SUMF1: variants seen among roughly 807,000 people sequenced by gnomAD.
SUMF1 encodes the protein formylglycine-generating enzyme.
In SUMF1, 48 loss-of-function variants were observed where a neutral mutation model predicts 47.6. The ratio of observed to expected loss-of-function variants is 1.01; its 90% CI spans 0.80 to 1.28. The LOEUF (loss-of-function observed/expected upper bound fraction) is 1.28, where lower values mean the gene tolerates loss of function less well. Among genes scored for constraint, SUMF1 ranks in the 50% most tolerant of loss-of-function variants. The pLI is 0.00. For synonymous variants in SUMF1, 230 were observed against 192.1 expected, an observed-to-expected ratio of 1.20 and a Z score of -1.63; for missense variants, 571 against 485.4, an observed-to-expected ratio of 1.18 and a Z score of -1.66.
downstream of SUMF1, among the ~76,000 whole-genome samples, chr3:4,359,190 T>A (rs149565472): frequency 5.3e-5 from 8 of 152,348 alleles, no homozygotes; most frequent in Middle Eastern, 3.4e-3. Context: ...TAAAGTGTAG[T>A]GACTATAGCT....
chr3:4,329,302 C>G (rs964989150), intron 8 of SUMF1, among the ~76,000 whole-genome samples: 1 of 152,226 alleles, frequency 6.6e-6, no homozygotes, highest in African/African-American at 2.4e-5. Flanking sequence ...TCCACACTGC[C>G]TTATCAGAGG....
intron 3 of SUMF1, among the ~76,000 whole-genome samples, chr3:4,431,841 C>T (rs1702243142): frequency 6.6e-6 from 1 of 152,148 alleles, no homozygotes. Flanking sequence ...TAATTAAGAG[C>T]ATCCCATTTC....
At chr3:4,322,968 A>T (rs1174231755) in intron 8 of SUMF1, among the ~76,000 whole-genome samples, 1 of 152,198 alleles carries the variant, frequency 6.6e-6, no homozygotes, top group Non-Finnish European at 1.5e-5. Flanking sequence ...AACAACAAAA[A>T]AGTGGACACA....
rs565043670 is a variant in SUMF1, at chr3:4,128,456, A to G, written c.1015-59711T>C. Among the ~76,000 whole-genome samples, 4 of 152,266 alleles carry G rather than the reference A, an allele frequency of 2.6e-5. No homozygotes were observed. In the South Asian group the frequency reaches 8.3e-4, roughly 32 times the overall value. The stretch of plus-strand genomic sequence containing the variant: ...CATCCCCTAACCAATCCATGCTGCC[A>G]TCAGCCTTTCCACCTTTGTCTGAGG... On this transcript the variant is annotated intron_variant and NMD_transcript_variant, in intron 8 of 12. Coordinates refer to the SUMF1 transcript ENST00000448413.
chr3:4,368,024 G>T (rs867398891), intron 8 of SUMF1, among the ~76,000 whole-genome samples: 8 of 152,066 alleles, frequency 5.3e-5, no homozygotes, highest in Middle Eastern at 6.8e-3. Context: ...CACAGCAAAA[G>T]AAACTACCAT....
intron 8 of SUMF1, among the ~76,000 whole-genome samples, chr3:4,226,856 A>T (rs6772671): frequency 0.41 from 56,544 of 139,042 alleles, 11,242 homozygotes; most frequent in Non-Finnish European, 0.47. Flanking sequence ...TGCTATGACT[A>T]TGTAAGCATG....
rs138623672 is a variant in SUMF1, at chr3:4,098,194, T to A, written c.1015-29449A>T. Among the ~76,000 whole-genome samples, 472 of 152,204 alleles carry A rather than the reference T, an allele frequency of 3.1e-3. 7 individuals are homozygous for A. The highest frequency in any genetic ancestry group is 0.011 in the African/African-American group (461 of 41,508). On this transcript the variant is annotated intron_variant and NMD_transcript_variant, in intron 8 of 12. Coordinates refer to the SUMF1 transcript ENST00000448413. ...AATAACTCAGTGGTAGAGCATCACA[T>A]GGAAATTGAAGCTCCCCTAGCAGCA...
chr3:4,213,562 A>G (rs1304539606), intron 8 of SUMF1, among the ~76,000 whole-genome samples: 1 of 152,188 alleles, frequency 6.6e-6, no homozygotes, highest in African/African-American at 2.4e-5. Flanking sequence ...ACATATAACA[A>G]TATTAACCAT....
chr3:4,365,611 T>C (rs1451974473), intron 8 of SUMF1, among the ~76,000 whole-genome samples: 7 of 146,398 alleles, frequency 4.8e-5, no homozygotes, highest in Non-Finnish European at 1.1e-4. Context: ...TATGTGTGTC[T>C]CTGCACGTGA....
chr3:4,211,195 C>CATATATATAT (rs1244951771), intron 8 of SUMF1, among the ~76,000 whole-genome samples: 7 of 57,542 alleles, frequency 1.2e-4, no homozygotes, highest in Non-Finnish European at 2.1e-4. Context: ...TATACATATA[C>CATATATATAT]ATACATACAT....
At chr3:4,439,803 C>A (rs1352422039) in intron 3 of SUMF1, among the ~76,000 whole-genome samples, 1 of 151,778 alleles carries the variant, frequency 6.6e-6, no homozygotes, top group Non-Finnish European at 1.5e-5. Flanking sequence ...CTCAAGCAAT[C>A]CTCCGACGTC....
At chr3:4,442,454 T>G (rs1460487299) in intron 3 of SUMF1, among the ~76,000 whole-genome samples, 1 of 148,972 alleles carries the variant, frequency 6.7e-6, no homozygotes, top group African/African-American at 2.5e-5. Flanking sequence ...AGAGACGGGG[T>G]TTCACCGTTT....
intron 8 of SUMF1, chr3:4,317,492 G>C (rs1698711754): frequency 2.7e-6 from 1 of 368,148 alleles, no homozygotes; most frequent in African/African-American, 2.0e-5. Context: ...GGACCAGCCT[G>C]GGCAACATAG....
intron 7 of SUMF1, among the ~76,000 whole-genome samples, chr3:4,389,476 C>T (rs1364670622): frequency 1.3e-5 from 2 of 152,104 alleles, no homozygotes; most frequent in African/African-American, 4.8e-5. Flanking sequence ...TTGCTTAGCT[C>T]CTTGAATCTG....
intron 8 of SUMF1, among the ~76,000 whole-genome samples, chr3:4,133,364 A>G (rs1308414021): frequency 1.3e-5 from 2 of 152,104 alleles, no homozygotes; most frequent in Non-Finnish European, 2.9e-5. Flanking sequence ...TTTGAAAATT[A>G]TGTATGATCT....
In SUMF1 at chr3:4,174,312, C is replaced by T. The variant is rs562121623; in HGVS notation, c.1015-105567G>A. 3.4e-5 allele frequency among the ~76,000 whole-genome samples: 5 copies of T among 147,548 alleles called. No individual in the cohort carries two copies. In the East Asian group the frequency reaches 8.0e-4, roughly 24 times the overall value. On this transcript the variant is annotated intron_variant and NMD_transcript_variant, in intron 8 of 12. Coordinates refer to the SUMF1 transcript ENST00000448413. ...CGGAGCTTGCAGTGAGCCAAGATCA[C>T]ACCACTGCACTCCAGCCTGGGTGAC...
chr3:4,429,826 T>C (rs1285200726), intron 3 of SUMF1, among the ~76,000 whole-genome samples: 1 of 152,168 alleles, frequency 6.6e-6, no homozygotes, highest in Non-Finnish European at 1.5e-5. Flanking sequence ...GCAGAGCTAA[T>C]TCCTCAGGCT....
intron 7 of SUMF1, among the ~76,000 whole-genome samples, chr3:4,405,463 T>C (rs1701345912): frequency 6.6e-6 from 1 of 152,200 alleles, no homozygotes; most frequent in Admixed American, 6.5e-5. Flanking sequence ...CTCAGCTCAC[T>C]GCAACCTCTG....
intron 8 of SUMF1, among the ~76,000 whole-genome samples, chr3:4,289,777 T>C (rs1697704948): frequency 6.6e-6 from 1 of 152,192 alleles, no homozygotes; most frequent in Non-Finnish European, 1.5e-5. Flanking sequence ...AACGACCATT[T>C]AAAATAGCAC....
Sources: allele counts gnomAD v4.1 joint callset (sites outside exome capture counted in the v4.1 genomes callset), GRCh38; gene constraint gnomAD v4.1.1; transcripts MANE v1.5; gene names NCBI Gene and HGNC (gene_info 2026-07-23, HGNC 2026-07-21).